TNIK: variants seen among roughly 807,000 people sequenced by gnomAD.
The protein encoded by TNIK is TRAF2 and NCK-interacting protein kinase.
In TNIK, 49 loss-of-function variants were observed where a neutral mutation model predicts 191.3. The ratio of observed to expected loss-of-function variants is 0.26; its 90% confidence interval spans 0.20 to 0.32. TNIK has a LOEUF of 0.32. Among genes scored for constraint, TNIK ranks in the 10% least tolerant of loss-of-function variants. The pLI is 1.00. For synonymous variants in TNIK, 594 were observed against 600.9 expected (o/e 0.99, Z 0.17); for missense variants, 1,155 against 1,702.3 (o/e 0.68, Z 5.66).
chr3:171,175,225 C>A, intron 9 of TNIK, 27 bp downstream of exon 9: 4 of 1,603,956 alleles, frequency 2.5e-6, no homozygotes, highest in African/African-American at 1.3e-5. Context: ...ACCCTTAGAT[C>A]TGCGAAACAT....
intron 26 of TNIK, among the ~76,000 whole-genome samples, chr3:171,083,433 T>C (rs1257446432): frequency 6.6e-6 from 1 of 152,178 alleles, no homozygotes; most frequent in East Asian, 1.9e-4. Flanking sequence ...CCAAGCCTAG[T>C]ATTTTCAGTG....
At chr3:171,353,805 A>AT (rs772381408) in intron 2 of TNIK, among the ~76,000 whole-genome samples, 1 of 152,226 alleles carries the variant, frequency 6.6e-6, no homozygotes, top group East Asian at 1.9e-4. Flanking sequence ...CCCAGCCTTC[A>AT]TCCAAGCTGA....
chr3:171,383,329 A>G (rs1412678687), intron 1 of TNIK, among the ~76,000 whole-genome samples: 4 of 152,200 alleles, frequency 2.6e-5, no homozygotes, highest in Admixed American at 6.5e-5. Context: ...CAAGTCCTCG[A>G]CTGCTCTTTT....
At chr3:171,293,905 G>T (rs1431177231) in intron 2 of TNIK, among the ~76,000 whole-genome samples, 1 of 152,010 alleles carries the variant, frequency 6.6e-6, no homozygotes, top group Non-Finnish European at 1.5e-5. Flanking sequence ...CACAGCAAGA[G>T]CTCATCTCTA....
At chr3:171,235,383 C>T (rs1268850816) in intron 2 of TNIK, among the ~76,000 whole-genome samples, 1 of 152,106 alleles carries the variant, frequency 6.6e-6, no homozygotes, top group Non-Finnish European at 1.5e-5. Context: ...GAGGACTAAC[C>T]CCCCTAGGTG....
At chr3:171,120,355 C>T (rs1461987170) in intron 18 of TNIK, among the ~76,000 whole-genome samples, 2 of 140,548 alleles carry the variant, frequency 1.4e-5, no homozygotes, top group Admixed American at 1.4e-4. Context: ...GAGTCTTGCT[C>T]TGTTGCCCAG....
At chr3:171,116,565 A>G (rs553064347) in intron 18 of TNIK, among the ~76,000 whole-genome samples, 72 of 152,386 alleles carry the variant, frequency 4.7e-4, no homozygotes, top group African/African-American at 1.5e-3. Context: ...TAACTGGCCA[A>G]CTGCCAAATT....
At chr3:171,459,280 A>G (rs1489145311) in intron 1 of TNIK, among the ~76,000 whole-genome samples, 2 of 151,598 alleles carry the variant, frequency 1.3e-5, no homozygotes, top group Admixed American at 6.6e-5. Flanking sequence ...CTGATTGAGG[A>G]AAAGCAGAAA....
At chr3:171,458,111 T>G (rs1728979975) in intron 1 of TNIK, among the ~76,000 whole-genome samples, 1 of 152,050 alleles carries the variant, frequency 6.6e-6, no homozygotes, top group Admixed American at 6.5e-5. Flanking sequence ...CCGCAAGCCC[T>G]GCGCATTGTT....
intron 7 of TNIK, among the ~76,000 whole-genome samples, chr3:171,181,351 G>A (rs6803950): frequency 0.046 from 7,039 of 152,276 alleles, 523 homozygotes; most frequent in African/African-American, 0.16. Context: ...ACTGTCAGGT[G>A]ACACTGCCTT....
chr3:171,252,230 T>A (rs774768417), intron 2 of TNIK, among the ~76,000 whole-genome samples: 12 of 152,196 alleles, frequency 7.9e-5, no homozygotes, highest in Non-Finnish European at 1.6e-4. Context: ...GTTCACCAGT[T>A]AGTTACAACC....
intron 2 of TNIK, among the ~76,000 whole-genome samples, chr3:171,230,681 T>C (rs1008581627): frequency 2.6e-5 from 4 of 152,178 alleles, no homozygotes; most frequent in African/African-American, 9.7e-5. Context: ...GACAACTTAC[T>C]CTCTCTTTCC....
chr3:171,255,209 C>CA (rs1206425662), intron 2 of TNIK, among the ~76,000 whole-genome samples: 2 of 152,084 alleles, frequency 1.3e-5, no homozygotes, highest in Non-Finnish European at 2.9e-5. Context: ...AACATCTGGC[C>CA]AACAAAACCT....
intron 2 of TNIK, among the ~76,000 whole-genome samples, chr3:171,339,081 A>G (rs1266833611): frequency 1.3e-5 from 2 of 152,334 alleles, no homozygotes; most frequent in East Asian, 3.9e-4. Flanking sequence ...CTAATATAAT[A>G]CATGCTAGTC....
chr3:171,367,271 A>AT lies in TNIK; in HGVS notation c.123+2348dup, dbSNP rs372289126. The stretch of plus-strand genomic sequence containing the variant: ...TAGGCTCACATATCTTTTAGCTCGT[A>AT]TTTTGCTATTTTATTAAACTTTAAT... On this transcript the variant is annotated intron_variant, in intron 2 of 32. Coordinates refer to ENST00000436636, the MANE Select transcript of TNIK (RefSeq NM_015028.4). 1.5e-3 allele frequency among the ~76,000 whole-genome samples: 229 copies of AT among 152,186 alleles called. 1 individual carries two copies. The highest frequency in any genetic ancestry group is 5.0e-3 in the African/African-American group (206 of 41,522).
chr3:171,422,923 T>A (rs138190185), intron 1 of TNIK, among the ~76,000 whole-genome samples: 1 of 152,334 alleles, frequency 6.6e-6, no homozygotes, highest in East Asian at 1.9e-4. Flanking sequence ...CCTTCTCCAG[T>A]GAAAATATGT....
At chr3:171,189,880 G>A (rs1737818804) in intron 6 of TNIK, among the ~76,000 whole-genome samples, 1 of 152,058 alleles carries the variant, frequency 6.6e-6, no homozygotes, top group African/African-American at 2.4e-5. Context: ...AGGTGAGAAA[G>A]TTTGGTCCCA....
rs2108753867 is a variant in TNIK at position 171,460,090 on chromosome 3, C to A, written c.-27G>T. On this transcript the variant is annotated 5_prime_UTR_variant, in exon 1 of 33. Coordinates refer to ENST00000436636, the MANE Select transcript of TNIK (RefSeq NM_015028.4). The surrounding 1 kb of genome is among the most constrained non-coding windows in gnomAD (Gnocchi z 6.8). ...TCTACTTCTTCGCTGGAGAAATGGA[C>A]CAAAACCACCCCGAAGCTTTTCCCT... The A allele has an allele frequency of 6.3e-7, 1 of 1,592,858 alleles. No individual in the cohort carries two copies. Among genetic ancestry groups the A allele is most frequent in the South Asian group, 1.1e-5 (1 of 87,368 alleles).
chr3:171,400,885 C>T (rs1440797824), intron 1 of TNIK, among the ~76,000 whole-genome samples: 1 of 152,106 alleles, frequency 6.6e-6, no homozygotes, highest in African/African-American at 2.4e-5. Flanking sequence ...ATGATCTCTA[C>T]CAGATTCAGG....
Sources: gnomAD v4.1 joint callset for allele counts (sites outside exome capture counted in the v4.1 genomes callset) on GRCh38, gnomAD v4.1.1 for gene constraint, Gnocchi (gnomAD v3.1) non-coding constraint, MANE v1.5 for transcripts, NCBI Gene and HGNC (gene_info 2026-07-23, HGNC 2026-07-21) for gene names.